IL1RAPL2: variants seen among roughly 807,000 people sequenced by gnomAD.
The protein encoded by IL1RAPL2 is X-linked interleukin-1 receptor accessory protein-like 2.
In IL1RAPL2, 3 loss-of-function variants were observed where a neutral mutation model predicts 44.1. That is an observed-to-expected ratio of 0.07 (90% CI 0.03 to 0.18). The LOEUF is 0.18. Among genes scored for constraint, IL1RAPL2 ranks in the 10% least tolerant of loss-of-function variants. The pLI, the probability that IL1RAPL2 is intolerant of heterozygous loss-of-function variation, is 1.00. For missense variants in IL1RAPL2, 391 were observed against 496.4 expected (o/e 0.79, Z 2.02); for synonymous variants, 181 against 178.8 (o/e 1.01, Z -0.10).
intron 2 of IL1RAPL2, among the ~76,000 whole-genome samples, chrX:105,022,912 A>C (rs2031306020): frequency 9.0e-6 from 1 of 110,895 alleles, no homozygotes; most frequent in Non-Finnish European, 1.9e-5. Context: ...GAAGATTCTA[A>C]GGCTGCTGAA....
chrX:104,779,172 A>C (rs902593106), intron 2 of IL1RAPL2, among the ~76,000 whole-genome samples: 1 of 112,510 alleles, frequency 8.9e-6, no homozygotes, highest in African/African-American at 3.2e-5. Flanking sequence ...TATTAGGAAG[A>C]TATAATAGAT....
At chrX:104,853,934 G>A (rs1364465079) in intron 2 of IL1RAPL2, among the ~76,000 whole-genome samples, 1 of 106,485 alleles carries the variant, frequency 9.4e-6, no homozygotes, top group African/African-American at 3.4e-5. Context: ...GAGTATAGCA[G>A]TATAGGATGG....
chrX:104,768,040 G>A (rs1229506237), intron 2 of IL1RAPL2, among the ~76,000 whole-genome samples: 2 of 111,622 alleles, frequency 1.8e-5, no homozygotes, highest in Non-Finnish European at 3.8e-5. Context: ...AATTTTATAT[G>A]TCAATTAAAA....
At chrX:104,763,436 A>C (rs1435455026) in intron 2 of IL1RAPL2, among the ~76,000 whole-genome samples, 2 of 112,122 alleles carry the variant, frequency 1.8e-5, no homozygotes, top group Non-Finnish European at 3.8e-5. Context: ...TCTTCTTCTT[A>C]GCTCTTCAAA....
At chrX:105,034,835 C>T (rs968669199) in intron 2 of IL1RAPL2, among the ~76,000 whole-genome samples, 2 of 112,437 alleles carry the variant, frequency 1.8e-5, no homozygotes, top group African/African-American at 3.2e-5. Flanking sequence ...GCCCTGCCCC[C>T]AGTGGTGGAG....
At chrX:104,753,229 C>T (rs1162101839) in intron 2 of IL1RAPL2, among the ~76,000 whole-genome samples, 2 of 109,450 alleles carry the variant, frequency 1.8e-5, no homozygotes, top group Non-Finnish European at 3.8e-5. Context: ...GACTTAAATC[C>T]TATCCTCTGA....
intron 5 of IL1RAPL2, among the ~76,000 whole-genome samples, chrX:105,426,803 C>A (rs973246039): frequency 9.0e-6 from 1 of 111,616 alleles, no homozygotes; most frequent in Non-Finnish European, 1.9e-5. Flanking sequence ...GACATGCCAT[C>A]CTGAGGTCTG....
chrX:104,922,017 GC>G (rs1213317227), intron 2 of IL1RAPL2, among the ~76,000 whole-genome samples: 1 of 112,176 alleles, frequency 8.9e-6, no homozygotes, highest in African/African-American at 3.2e-5. Flanking sequence ...TGTCCCAGTA[GC>G]CCGAGAGCAG....
At chrX:104,587,337 G>C (rs1928580697) in intron 1 of IL1RAPL2, among the ~76,000 whole-genome samples, 1 of 111,995 alleles carries the variant, frequency 8.9e-6, no homozygotes, top group Admixed American at 9.5e-5. Flanking sequence ...CCTGCCCTCA[G>C]AAGACATCTT....
chrX:105,747,492 A>G lies in IL1RAPL2; in HGVS notation c.1049-1468A>G, dbSNP rs201516865. On this transcript the variant is annotated intron_variant, in intron 8 of 10. Transcript: ENST00000372582. The stretch of plus-strand genomic sequence containing the variant: ...TCTCTCTCTCTCTCTGTGTGTGTGT[A>G]TGTGTGTGTGTGTGTGTGTGTGTGT... Among the ~76,000 whole-genome samples, 165 of 59,540 alleles carry G rather than the reference A, an allele frequency of 2.8e-3. 3 individuals carry two copies. In the East Asian group the frequency reaches 0.068, roughly 24 times the overall value. 51.7% of individuals were successfully genotyped at this position (59,540 alleles called of 115,157 possible).
At chrX:105,656,110 C>T (rs547137891) in intron 6 of IL1RAPL2, among the ~76,000 whole-genome samples, 2 of 111,761 alleles carry the variant, frequency 1.8e-5, no homozygotes, top group Non-Finnish European at 3.8e-5. Context: ...TCCCTCCCAA[C>T]CCCCCACTAC....
intron 1 of IL1RAPL2, among the ~76,000 whole-genome samples, chrX:104,570,227 C>T (rs950017811): frequency 8.9e-6 from 1 of 112,113 alleles, no homozygotes; most frequent in African/African-American, 3.2e-5. Context: ...AGAACTGTCC[C>T]TTGATCCTAG....
In IL1RAPL2 at chrX:105,077,072, T is replaced by G. The variant is rs866267854; in HGVS notation, c.83-118403T>G. 4.5e-5 allele frequency among the ~76,000 whole-genome samples: 5 copies of G among 111,401 alleles called. No individual in the cohort carries two copies. The South Asian group carries it at 1.1e-3, about 25-fold the overall frequency. On this transcript the variant is annotated intron_variant, in intron 2 of 10. Transcript: ENST00000372582. ...AAGGTTAATATTGTTATGTGTGAATTTGATCCTGTCATTATGATTTTAGCT... is the reference window on the plus strand; with the variant it reads ...AAGGTTAATATTGTTATGTGTGAATGTGATCCTGTCATTATGATTTTAGCT...
chrX:104,914,061 A>C (rs1269299191), intron 2 of IL1RAPL2, among the ~76,000 whole-genome samples: 7 of 111,581 alleles, frequency 6.3e-5, no homozygotes, highest in Non-Finnish European at 1.3e-4. Context: ...CTAAATAGGG[A>C]CTGCCTGCAA....
At chrX:104,789,048 G>A (rs1263460572) in intron 2 of IL1RAPL2, among the ~76,000 whole-genome samples, 1 of 112,018 alleles carries the variant, frequency 8.9e-6, no homozygotes, top group Non-Finnish European at 1.9e-5. Flanking sequence ...AATAAAAGCC[G>A]CCTTTCTTCT....
intron 9 of IL1RAPL2, among the ~76,000 whole-genome samples, chrX:105,749,443 C>G (rs1569471695): frequency 1.8e-5 from 2 of 111,714 alleles, no homozygotes. Flanking sequence ...ATCCCTCCCC[C>G]TTAGTAAGAA....
At chrX:105,133,272 AT>A (rs1234163225) in intron 2 of IL1RAPL2, among the ~76,000 whole-genome samples, 3 of 111,792 alleles carry the variant, frequency 2.7e-5, no homozygotes, top group Non-Finnish European at 5.7e-5. Context: ...ATTTTTATTG[AT>A]TTTTAATAGA....
At chrX:105,685,068 C>G (rs1023823454) in intron 6 of IL1RAPL2, among the ~76,000 whole-genome samples, 24 of 111,650 alleles carry the variant, frequency 2.1e-4, no homozygotes, top group African/African-American at 7.8e-4. Context: ...CATCAAAGAC[C>G]AAAGGTATAT....
intron 2 of IL1RAPL2, among the ~76,000 whole-genome samples, chrX:105,061,722 A>G (rs1295458869): frequency 9.0e-6 from 1 of 111,671 alleles, no homozygotes; most frequent in Admixed American, 9.5e-5. Flanking sequence ...TGAGTGCTCC[A>G]GTGTTGGGTG....
Sources: gnomAD v4.1 joint callset for allele counts (sites outside exome capture counted in the v4.1 genomes callset) on GRCh38, gnomAD v4.1.1 for gene constraint, MANE v1.5 for transcripts, NCBI Gene and HGNC (gene_info 2026-07-23, HGNC 2026-07-21) for gene names.